Variants in CDH18 observed in about 807,000 individuals in gnomAD.
The protein encoded by CDH18 is cadherin-18.
In CDH18, 31 loss-of-function variants were observed where a neutral mutation model predicts 67.9. The ratio of observed to expected loss-of-function variants is 0.46; its 90% CI spans 0.34 to 0.62. The LOEUF is 0.62. CDH18 is among the 20% of genes least tolerant of loss of function. The pLI, the probability that CDH18 is intolerant of heterozygous loss-of-function variation, is 0.01. For synonymous variants in CDH18, 362 were observed against 347.2 expected (o/e 1.04, Z -0.48); for missense variants, 890 against 975.5 (o/e 0.91, Z 1.17).
intron 1 of CDH18, among the ~76,000 whole-genome samples, chr5:20,333,524 T>TACACACAC (rs1464026115): frequency 3.3e-4 from 34 of 103,384 alleles, no homozygotes; most frequent in African/African-American, 1.1e-3. Context: ...AAAAACAATA[T>TACACACAC]ATATACACAC....
intron 1 of CDH18, among the ~76,000 whole-genome samples, chr5:20,406,567 A>C (rs978427949): frequency 9.0e-6 from 1 of 111,190 alleles, no homozygotes; most frequent in African/African-American, 3.0e-5. Context: ...CCTAAAACTT[A>C]AAGTATAATA....
At chr5:19,798,960 T>C (rs1356713605) in intron 3 of CDH18, among the ~76,000 whole-genome samples, 2 of 152,066 alleles carry the variant, frequency 1.3e-5, no homozygotes, top group South Asian at 2.1e-4. Flanking sequence ...CATTATTATA[T>C]ATTAATACTA....
intron 5 of CDH18, among the ~76,000 whole-genome samples, chr5:19,675,571 C>T (rs1477571587): frequency 1.3e-5 from 2 of 152,024 alleles, no homozygotes; most frequent in Non-Finnish European, 2.9e-5. Context: ...TCCGCCTGGC[C>T]CACAGGCAGC....
intron 11 of CDH18, among the ~76,000 whole-genome samples, chr5:19,484,388 C>T (rs535612337): frequency 1.3e-5 from 2 of 152,194 alleles, no homozygotes; most frequent in Non-Finnish European, 2.9e-5. Context: ...CTCAACACCA[C>T]AATGTCACAT....
intron 2 of CDH18, among the ~76,000 whole-genome samples, chr5:20,072,823 A>G (rs1743599836): frequency 6.6e-6 from 1 of 151,956 alleles, no homozygotes; most frequent in South Asian, 2.1e-4. Flanking sequence ...TTTACTTAGT[A>G]TTTTTACAGA....
chr5:19,898,293 A>G (rs938584578), intron 2 of CDH18, among the ~76,000 whole-genome samples: 55 of 152,126 alleles, frequency 3.6e-4, no homozygotes, highest in African/African-American at 1.2e-3. Context: ...AGGTCATACA[A>G]AATTGGTGGT....
chr5:19,598,406 T>A (rs2150055114), intron 6 of CDH18, among the ~76,000 whole-genome samples: 1 of 152,234 alleles, frequency 6.6e-6, no homozygotes, highest in East Asian at 1.9e-4. Context: ...ATTTACAATC[T>A]TGCATCTTTT....
At chr5:20,276,930 G>A (rs1430089875) in intron 1 of CDH18, among the ~76,000 whole-genome samples, 2 of 152,142 alleles carry the variant, frequency 1.3e-5, no homozygotes, top group African/African-American at 4.8e-5. Context: ...AAACTCCTCT[G>A]CTTGTGGAAA....
intron 1 of CDH18, among the ~76,000 whole-genome samples, chr5:20,493,564 T>C (rs1753722010): frequency 6.6e-6 from 1 of 151,898 alleles, no homozygotes; most frequent in South Asian, 2.1e-4. Context: ...TGGAGAGCTT[T>C]AGAGTGACAA....
intron 1 of CDH18, among the ~76,000 whole-genome samples, chr5:20,556,914 G>A (rs1321855724): frequency 2.0e-5 from 3 of 152,110 alleles, no homozygotes; most frequent in African/African-American, 7.2e-5. Context: ...ATCGGAAGGA[G>A]ATATTACCTC....
At chr5:19,738,697 G>C (rs906591657) in intron 4 of CDH18, among the ~76,000 whole-genome samples, 2 of 152,176 alleles carry the variant, frequency 1.3e-5, no homozygotes, top group Non-Finnish European at 2.9e-5. Context: ...TAAAAAGTAA[G>C]TGGTAAGAGG....
chr5:20,204,606 A>G (rs938635321), intron 2 of CDH18, among the ~76,000 whole-genome samples: 1 of 152,080 alleles, frequency 6.6e-6, no homozygotes, highest in Admixed American at 6.6e-5. Context: ...AAATATTCTA[A>G]TATCATAATT....
At position 20,351,191 on chromosome 5, in the gene CDH18, T is replaced by TGTGTGTGTGTGC. The variant is rs1420969028; in HGVS notation, c.-579-95687_-579-95686insGCACACACACAC. 4.0e-3 allele frequency among the ~76,000 whole-genome samples: 592 copies of TGTGTGTGTGTGC among 148,748 alleles called. 2 individuals carry two copies. The highest frequency in any genetic ancestry group is 1.0e-2 in the East Asian group (49 of 4,902). ...GTGTGTGTGTGTGTGTGTGTGTGTG[T>TGTGTGTGTGTGC]GCGTGTGTGTTATTGCTTATTTTGT... On this transcript the variant is annotated intron_variant, in intron 1 of 14. Transcript: ENST00000507958.
At chr5:19,828,389 C>G (rs1187512995) in intron 3 of CDH18, among the ~76,000 whole-genome samples, 2 of 151,946 alleles carry the variant, frequency 1.3e-5, no homozygotes, top group Non-Finnish European at 2.9e-5. Flanking sequence ...CATCCTGATA[C>G]AAAAATCTGT....
chr5:20,313,515 T>A (rs980531494), intron 1 of CDH18, among the ~76,000 whole-genome samples: 3 of 152,104 alleles, frequency 2.0e-5, no homozygotes, highest in Non-Finnish European at 4.4e-5. Flanking sequence ...CTCCACTGAC[T>A]TTAACATAAA....
intron 5 of CDH18, among the ~76,000 whole-genome samples, chr5:19,632,241 CCTGAACCGTTCT>C (rs1309816552): frequency 3.3e-5 from 5 of 152,160 alleles, no homozygotes; most frequent in Non-Finnish European, 7.3e-5. Flanking sequence ...CTTCACAATT[CCTGAACCGTTCT>C]CTGATTTGTA....
At chr5:19,649,814 T>A (rs1452212459) in intron 5 of CDH18, among the ~76,000 whole-genome samples, 1 of 151,954 alleles carries the variant, frequency 6.6e-6, no homozygotes, top group African/African-American at 2.4e-5. Flanking sequence ...AGGGTTCTTA[T>A]ATATATGTAT....
In CDH18 at chr5:19,472,539, A is replaced by G. The variant is rs1349379497; in HGVS notation, c.*687T>C. Among the ~76,000 whole-genome samples the G allele has an allele frequency of 2.0e-5, 3 of 152,148 alleles. No individual in the cohort carries two copies. The highest frequency in any genetic ancestry group is 4.4e-5 in the Non-Finnish European group (3 of 68,016). On this transcript the variant is annotated 3_prime_UTR_variant, in exon 13 of 13. Coordinates refer to ENST00000382275, the MANE Select transcript of CDH18 (RefSeq NM_004934.5). ...ATAAAAGGGGGTGTACGGGATAGAG[A>G]CAATAGTCTCGTGCTCAGTACAGCA...
intron 2 of CDH18, among the ~76,000 whole-genome samples, chr5:20,252,702 C>T (rs1360787539): frequency 6.6e-6 from 1 of 152,032 alleles, no homozygotes; most frequent in Admixed American, 6.6e-5. Flanking sequence ...CTTTAAGAGG[C>T]AGAGGCGGGC....
Sources: gnomAD v4.1 joint callset for allele counts (sites outside exome capture counted in the v4.1 genomes callset) on GRCh38, gnomAD v4.1.1 for gene constraint, MANE v1.5 for transcripts, NCBI Gene and HGNC (gene_info 2026-07-23, HGNC 2026-07-21) for gene names.